SLC4A5: variants seen among roughly 807,000 people sequenced by gnomAD.
SLC4A5 encodes solute carrier family 4 member 5.
In SLC4A5, 96 loss-of-function variants were observed where a neutral mutation model predicts 120.4. The observed-to-expected ratio is 0.80, with a 90% confidence interval of 0.68 to 0.94. The LOEUF is 0.94. SLC4A5 is among the 40% of genes least tolerant of loss of function. SLC4A5 has a pLI of 0.00. For missense variants in SLC4A5, 1,259 were observed against 1,459.5 expected (o/e 0.86, Z 2.24); for synonymous variants, 550 against 571.1 (o/e 0.96, Z 0.53).
chr2:74,293,620 C>T (rs183512156), intron 7 of SLC4A5, among the ~76,000 whole-genome samples: 1 of 152,140 alleles, frequency 6.6e-6, no homozygotes, highest in African/African-American at 2.4e-5. Context: ...CTGTGTACAC[C>T]CAGAGAGGGG....
At chr2:74,241,148 A>G (rs1487631835) in intron 20 of SLC4A5, among the ~76,000 whole-genome samples, 2 of 152,086 alleles carry the variant, frequency 1.3e-5, no homozygotes, top group Admixed American at 1.3e-4. Flanking sequence ...CAGAAAGAGA[A>G]GGAAGAAGGC....
At chr2:74,235,584 G>A (rs1024239298) in intron 21 of SLC4A5, among the ~76,000 whole-genome samples, 2 of 152,176 alleles carry the variant, frequency 1.3e-5, no homozygotes, top group African/African-American at 2.4e-5. Flanking sequence ...CTGAACTGGG[G>A]CACCCAGCAG....
At chr2:74,227,540 T>C (rs1443015200) in intron 26 of SLC4A5, 5 of 1,612,508 alleles carry the variant, frequency 3.1e-6, no homozygotes, top group Non-Finnish European at 3.4e-6. Context: ...TTCTGGATTT[T>C]GAATTCTGAC....
At chr2:74,232,554 C>T in exon 24 of SLC4A5, 1 of 1,613,938 alleles carries the variant, frequency 6.2e-7, no homozygotes, top group Non-Finnish European at 8.5e-7. Context: ...ATGGAGATGA[C>T]CGTGGCAGCC....
At chr2:74,250,642 G>C in intron 16 of SLC4A5, 125 bp from the exon 17 acceptor site, 1 of 1,151,494 alleles carries the variant, frequency 8.7e-7, no homozygotes, top group Non-Finnish European at 1.2e-6. Context: ...ATGGGGCAAA[G>C]ATCTTTCCAC....
At chr2:74,302,669 T>G (rs1672509104) in intron 7 of SLC4A5, among the ~76,000 whole-genome samples, 1 of 152,198 alleles carries the variant, frequency 6.6e-6, no homozygotes, top group African/African-American at 2.4e-5. Context: ...TGGTTTGCAT[T>G]TAAAATCAGT....
At chr2:74,311,716 C>T (rs1011435095) in intron 6 of SLC4A5, among the ~76,000 whole-genome samples, 1 of 151,672 alleles carries the variant, frequency 6.6e-6, no homozygotes, top group Non-Finnish European at 1.5e-5. Flanking sequence ...TGTTTTATGT[C>T]CCAGAATGTG....
intron 6 of SLC4A5, among the ~76,000 whole-genome samples, chr2:74,310,580 C>T (rs1340860588): frequency 2.0e-5 from 3 of 151,974 alleles, no homozygotes; most frequent in Non-Finnish European, 4.4e-5. Flanking sequence ...TCTCCTTTGG[C>T]CTATTGATAT....
exon 10 of SLC4A5, chr2:74,264,228 G>C: frequency 6.2e-7 from 1 of 1,614,256 alleles, no homozygotes; most frequent in Non-Finnish European, 8.5e-7. Flanking sequence ...CTCCTCAGGA[G>C]GACGTAACTG....
chr2:74,317,706 C>T (rs1424942407), intron 5 of SLC4A5, among the ~76,000 whole-genome samples: 1 of 152,234 alleles, frequency 6.6e-6, no homozygotes, highest in Non-Finnish European at 1.5e-5. Context: ...GCAGTTAGCC[C>T]CTCAGCCCTT....
chr2:74,250,768 T>C (rs1459952630), intron 16 of SLC4A5: 7 of 444,466 alleles, frequency 1.6e-5, no homozygotes, highest in Admixed American at 3.7e-5. Context: ...GATGGGAATA[T>C]GTCCTGGGGT....
rs116762435 is a variant in SLC4A5, at chr2:74,332,678, C to T, written c.-70+1349G>A. On this transcript the variant is annotated intron_variant, in intron 4 of 30. Coordinates refer to ENST00000394019, the Ensembl canonical transcript of SLC4A5. ...TCAGTGGGAGAGAGAAAAGCCAATA[C>T]ACAGAATGGCAGAGGGGTGTCCATT... is the stretch of plus-strand genomic sequence containing the variant. Among the ~76,000 whole-genome samples the T allele has an allele frequency of 3.7e-3, 563 of 152,034 alleles. 6 individuals are homozygous for T. The highest frequency in any genetic ancestry group is 2.3e-3 in the Non-Finnish European group (157 of 67,966).
chr2:74,231,817 C>A (rs1396750497), intron 24 of SLC4A5, among the ~76,000 whole-genome samples: 1 of 152,188 alleles, frequency 6.6e-6, no homozygotes, highest in African/African-American at 2.4e-5. Flanking sequence ...GGCAGGTGAG[C>A]CCTGCAGTCG....
intron 30 of SLC4A5, among the ~76,000 whole-genome samples, chr2:74,220,508 TTC>T (rs1265602123): frequency 6.6e-6 from 1 of 152,180 alleles, no homozygotes; most frequent in African/African-American, 2.4e-5. Context: ...TGCCTAGTTT[TTC>T]TGTTTTCTTT....
intron 8 of SLC4A5, among the ~76,000 whole-genome samples, chr2:74,278,069 A>G (rs1671700798): frequency 6.6e-6 from 1 of 152,218 alleles, no homozygotes; most frequent in Non-Finnish European, 1.5e-5. Context: ...TTGGATATAT[A>G]AAAATATACA....
At chr2:74,229,299 G>A (rs1694978303) in intron 25 of SLC4A5, among the ~76,000 whole-genome samples, 1 of 151,090 alleles carries the variant, frequency 6.6e-6, no homozygotes, top group African/African-American at 2.4e-5. Flanking sequence ...GCCCAGGCTG[G>A]AGTGCAGTGG....
rs921294730 is a variant in SLC4A5 at position 74,328,194 on chromosome 2, G to A, written c.-69-8C>T. 1.0e-6 allele frequency: 1 copy of A among 985,734 alleles called. No homozygotes were observed. Among genetic ancestry groups the A allele is most frequent in the African/African-American group, 1.7e-5 (1 of 57,228 alleles). 61.1% of individuals were successfully genotyped at this position (985,734 alleles called of 1,614,324 possible). ...GAACCACTTGCTCTGTTCCTGTTGG[G>A]TGGCAAGAAGGGCTCTCTGTGGTTT... On this transcript the variant is annotated splice_polypyrimidine_tract_variant and splice_region_variant and intron_variant, in intron 4 of 30. Transcript: ENST00000394019.
At chr2:74,310,511 T>C (rs549931178) in intron 6 of SLC4A5, among the ~76,000 whole-genome samples, 2 of 152,260 alleles carry the variant, frequency 1.3e-5, no homozygotes, top group Admixed American at 6.5e-5. Context: ...TTATTATGAA[T>C]AGGTGTTGGA....
At chr2:74,307,975 T>C (rs1179927140) in intron 6 of SLC4A5, 3 of 561,836 alleles carry the variant, frequency 5.3e-6, no homozygotes, top group African/African-American at 1.9e-5. Context: ...GACCAGTAGT[T>C]GGAGGAGAAG....
Sources: allele counts gnomAD v4.1 joint callset (sites outside exome capture counted in the v4.1 genomes callset), GRCh38; gene constraint gnomAD v4.1.1; transcripts MANE v1.5; gene names NCBI Gene and HGNC (gene_info 2026-07-23, HGNC 2026-07-21).